Variants in TMEM151B observed in about 807,000 individuals in gnomAD.
TMEM151B encodes transmembrane protein 193.
Under a neutral mutation model 33.0 loss-of-function variants are expected in TMEM151B, and 18 were observed. The ratio of observed to expected loss-of-function variants is 0.55; its 90% CI spans 0.38 to 0.81. TMEM151B has a LOEUF of 0.81. TMEM151B is among the 30% of genes least tolerant of loss of function. TMEM151B has a pLI of 0.00. For synonymous variants in TMEM151B, 354 were observed against 373.6 expected (o/e 0.95, Z 0.61); for missense variants, 672 against 843.4 (o/e 0.80, Z 2.52).
rs956182709 is a variant in TMEM151B at position 44,278,786 on chromosome 6, G to GA, written c.*2263dup. On this transcript the variant is annotated 3_prime_UTR_variant, in exon 3 of 3. Coordinates refer to ENST00000451188, the MANE Select transcript of TMEM151B (RefSeq NM_001137560.2). ...TGATTGCCAGGGAAAATGAAAACCA[G>GA]AAAATTAATTAATCTCTAAAATTAA... 1.4e-4 allele frequency: 22 copies of GA among 152,198 alleles called. No homozygotes were observed. Among genetic ancestry groups the GA allele is most frequent in the African/African-American group, 5.3e-4 (22 of 41,526 alleles). The allele number at this position is 152,198 out of a possible 1,614,324, so 9.4% of individuals were successfully genotyped here. A position where few individuals can be genotyped will look rare whatever the true frequency, so the allele number is the denominator to read the frequency against.
chr6:44,276,594 G>A lies in TMEM151B; in HGVS notation c.*67G>A. ...CCTCGCCGGACTGTGCTCCCTCTGC[G>A]ACGCAGGGCGAGTCACCACGGTGAC... is the stretch of plus-strand genomic sequence containing the variant. On this transcript the variant is annotated 3_prime_UTR_variant, in exon 3 of 3. Coordinates refer to ENST00000451188, the MANE Select transcript of TMEM151B (RefSeq NM_001137560.2). The A allele has an allele frequency of 2.3e-6, 3 of 1,304,250 alleles. No homozygotes were observed. The highest frequency in any genetic ancestry group is 2.9e-6 in the Non-Finnish European group (3 of 1,026,096). The allele number at this position is 1,304,250 out of a possible 1,614,324, so 80.8% of individuals were successfully genotyped here.
At position 44,275,722 on chromosome 6, in the gene TMEM151B, C is replaced by T; in HGVS notation, c.896C>T (p.Ser299Leu). Residue 299 changes from serine (S) to leucine (L), a missense_variant, in exon 3 of 3, where the codon TCG becomes TTG. This residue lies in a region of TMEM151B where 285 missense variants were observed against 423.1 expected (regional missense o/e 0.67). Transcript: ENST00000451188. ...GCCCGGCCGCCCTGGTACGCCTGCTCGTCGGCCTTCTGGGCCGCGGCGCTG... is the reference window on the plus strand; with the variant it reads ...GCCCGGCCGCCCTGGTACGCCTGCTTGTCGGCCTTCTGGGCCGCGGCGCTG... ...DPARPPWYAC[S>L]SAFWAAALLT... 1 of 1,549,260 alleles carries T rather than the reference C, an allele frequency of 6.5e-7. No homozygotes were observed. The highest frequency in any genetic ancestry group is 8.7e-7 in the Non-Finnish European group (1 of 1,146,242).
At chr6:44,272,755 T>G (rs1782417049) in intron 1 of TMEM151B, among the ~76,000 whole-genome samples, 1 of 152,168 alleles carries the variant, frequency 6.6e-6, no homozygotes, top group Non-Finnish European at 1.5e-5. Context: ...CCATCTGTGT[T>G]TGCTGCCTGG....
At chr6:44,271,368 TG>T (rs1554142820) in intron 1 of TMEM151B, among the ~76,000 whole-genome samples, 10 of 57,474 alleles carry the variant, frequency 1.7e-4, no homozygotes, top group South Asian at 6.2e-4. Context: ...TGTGTGTGTG[TG>T]GGGGGGGGTG....
At chr6:44,273,752 AC>A (rs1463799450) in intron 2 of TMEM151B, among the ~76,000 whole-genome samples, 1 of 152,180 alleles carries the variant, frequency 6.6e-6, no homozygotes, top group East Asian at 1.9e-4. Flanking sequence ...CCTCATAACA[AC>A]CCTATGATGT....
intron 2 of TMEM151B, 133 bp downstream of exon 2, chr6:44,273,639 C>A: frequency 1.0e-6 from 1 of 988,566 alleles, no homozygotes; most frequent in Non-Finnish European, 1.5e-6. Flanking sequence ...ATGAGCATTG[C>A]AACAGCAGGG....
In TMEM151B at chr6:44,278,523, T is replaced by C. The variant is rs554772164; in HGVS notation, c.*1996T>C. ...CAGCTGGCACCTGGATGTCATGCTT[T>C]GTGTGGGGACAGCCTGGCCACCTCA... On this transcript the variant is annotated 3_prime_UTR_variant, in exon 3 of 3. Transcript: ENST00000451188. The C allele has an allele frequency of 6.6e-6, 1 of 152,382 alleles. No homozygotes were observed. The highest frequency in any genetic ancestry group is 2.1e-4 in the South Asian group (1 of 4,834). The allele number at this position is 152,382 out of a possible 1,614,324, so 9.4% of individuals were successfully genotyped here. A position where few individuals can be genotyped will look rare whatever the true frequency, so the allele number is the denominator to read the frequency against.
chr6:44,275,930 A>G lies in TMEM151B; in HGVS notation c.1104A>G (p.Val368=), dbSNP rs2153338350. The G allele has an allele frequency of 6.6e-7, 1 of 1,507,366 alleles. No individual in the cohort carries two copies. Among genetic ancestry groups the G allele is most frequent in the Non-Finnish European group, 8.9e-7 (1 of 1,124,326 alleles). 93.4% of individuals were successfully genotyped at this position (1,507,366 alleles called of 1,614,324 possible). ...LTHRLPRVNT[V]DSTELEWHIR... is the part of the protein sequence containing the mutation. ...ACCGCCTGCCGCGGGTCAACACAGT[A>G]GACAGCACGGAGCTCGAGTGGCACA... is the stretch of plus-strand genomic sequence containing the variant. Residue 368 remains valine, a synonymous_variant, in exon 3 of 3, where the codon GTA becomes GTG. Transcript: ENST00000451188.
chr6:44,275,362 C>G lies in TMEM151B; in HGVS notation c.577-41C>G, dbSNP rs1009592956. 8.9e-6 allele frequency: 13 copies of G among 1,460,258 alleles called. No homozygotes were observed. The Middle Eastern group carries it at 9.9e-4, about 111-fold the overall frequency. 90.5% of individuals were successfully genotyped at this position (1,460,258 alleles called of 1,614,324 possible). The stretch of plus-strand genomic sequence containing the variant: ...AGTGGGCAGAAGCGGGCACCAATGA[C>G]GGGCTCCCCGCGACCCCGCCGCCTG... On this transcript the variant is annotated intron_variant, in intron 2 of 2. Coordinates refer to ENST00000451188, the MANE Select transcript of TMEM151B (RefSeq NM_001137560.2).
In TMEM151B at chr6:44,275,877, A is replaced by T; in HGVS notation, c.1051A>T (p.Ser351Cys). The T allele has an allele frequency of 6.5e-7, 1 of 1,539,120 alleles. No individual in the cohort carries two copies. Among genetic ancestry groups the T allele is most frequent in the Non-Finnish European group, 8.7e-7 (1 of 1,143,938 alleles). ...CAGCGCAGGCGGTGGCCTCAGCCCC[A>T]GCGATGAGCTGCTGCCCCCGCTCAC... The part of the protein sequence containing the change: ...ASSAGGGLSP[S>C]DELLPPLTHR... Residue 351 changes from serine (S) to cysteine (C), a missense_variant, in exon 3 of 3, where the codon AGC (serine) becomes TGC (cysteine). Ser to Cys is a moderately radical substitution (Grantham distance 112). Coordinates refer to ENST00000451188, the MANE Select transcript of TMEM151B (RefSeq NM_001137560.2).
chr6:44,274,390 G>T (rs1782484213), intron 2 of TMEM151B, among the ~76,000 whole-genome samples: 1 of 152,146 alleles, frequency 6.6e-6, no homozygotes, highest in Non-Finnish European at 1.5e-5. Flanking sequence ...CAGCTTCCTG[G>T]ATGTCAAGTT....
At position 44,274,689 on chromosome 6, in the gene TMEM151B, AAAG is replaced by A. The variant is rs1047529273; in HGVS notation, c.577-706_577-704del. On this transcript the variant is annotated intron_variant, in intron 2 of 2. Transcript: ENST00000451188. ...GGGAAACACAATTGTAAAAGGGAAG[AAAG>A]AAGAAGAGGAGGCTGTTTGTGGTGA... 6.6e-5 allele frequency among the ~76,000 whole-genome samples: 10 copies of A among 152,324 alleles called. No homozygotes were observed. The East Asian group carries it at 1.3e-3, about 21-fold the overall frequency.
At chr6:44,270,957 T>G in intron 1 of TMEM151B, 80 bp downstream of exon 1, 1 of 956,022 alleles carries the variant, frequency 1.0e-6, no homozygotes, top group Non-Finnish European at 1.3e-6. Context: ...CCCCCGCTGG[T>G]TCCGCCGCAG....
At position 44,273,359 on chromosome 6, in the gene TMEM151B, T is replaced by C. The variant is rs762352311; in HGVS notation, c.429T>C (p.Arg143=). The C allele has an allele frequency of 2.4e-5, 37 of 1,551,470 alleles. No homozygotes were observed. Among genetic ancestry groups the C allele is most frequent in the Non-Finnish European group, 3.0e-5 (34 of 1,147,002 alleles). The part of the protein sequence containing the change: ...HCQARHELQH[R]VDVSSVRERV... The stretch of plus-strand genomic sequence containing the variant: ...AAGCCCGCCATGAGCTGCAGCACCG[T>C]GTTGATGTGAGCAGTGTGCGGGAAC... Residue 143 remains arginine (R), a synonymous_variant, in exon 2 of 3, where the codon CGT becomes CGC. Transcript: ENST00000451188.
chr6:44,276,782 C>G lies in TMEM151B; in HGVS notation c.*255C>G. On this transcript the variant is annotated 3_prime_UTR_variant, in exon 3 of 3. Transcript: ENST00000451188. ...CAGAGTCATTCTTCCAGCCCCAACC[C>G]TGAGTTCCTAAAGGGACACCTCCCT... 2 of 647,450 alleles carry G rather than the reference C, an allele frequency of 3.1e-6. No homozygotes were observed. Among genetic ancestry groups the G allele is most frequent in the Non-Finnish European group, 4.3e-6 (2 of 461,314 alleles). The allele number at this position is 647,450 out of a possible 1,614,324, so 40.1% of individuals were successfully genotyped here.
In TMEM151B at chr6:44,273,055, C is replaced by T; in HGVS notation, c.136-11C>T. On this transcript the variant is annotated splice_polypyrimidine_tract_variant and intron_variant, in intron 1 of 2. Transcript: ENST00000451188. Reference sequence around the variant, plus strand: ...ACTCATCTTGGCCCCTCTCCCTGCCCACCTGAGCAGCAGCGTCCCATCCAG... The same window carrying T: ...ACTCATCTTGGCCCCTCTCCCTGCCTACCTGAGCAGCAGCGTCCCATCCAG... 6.8e-7 allele frequency: 1 copy of T among 1,480,420 alleles called. No homozygotes were observed. Among genetic ancestry groups the T allele is most frequent in the Non-Finnish European group, 9.0e-7 (1 of 1,109,664 alleles). 91.7% of individuals were successfully genotyped at this position (1,480,420 alleles called of 1,614,324 possible).
chr6:44,275,882 T>A lies in TMEM151B; in HGVS notation c.1056T>A (p.Asp352Glu). ...CAGGCGGTGGCCTCAGCCCCAGCGA[T>A]GAGCTGCTGCCCCCGCTCACCCACC... ...SSAGGGLSPS[D>E]ELLPPLTHRL... Residue 352 changes from aspartate (D) to glutamate (E), a missense_variant, in exon 3 of 3, where the codon GAT becomes GAA. Transcript: ENST00000451188. 1.3e-6 allele frequency: 2 copies of A among 1,538,124 alleles called. No individual in the cohort carries two copies. The highest frequency in any genetic ancestry group is 1.7e-6 in the Non-Finnish European group (2 of 1,143,378).
Position 44,276,116 on chromosome 6 carries a change from G to A in TMEM151B, c.1290G>A (p.Arg430=). ...GPGAAGVAPY[R]RSCEHCQRAV... is the part of the protein sequence containing the mutation. ...GCGCGGCGGGCGTGGCTCCCTACCG[G>A]CGCAGCTGCGAGCACTGCCAGCGCG... Residue 430 remains arginine (R), a synonymous_variant, in exon 3 of 3, where the codon CGG becomes CGA. Transcript: ENST00000451188. 1 of 1,322,854 alleles carries A rather than the reference G, an allele frequency of 7.6e-7. No homozygotes were observed. Among genetic ancestry groups the A allele is most frequent in the Non-Finnish European group, 9.6e-7 (1 of 1,045,254 alleles). The allele number at this position is 1,322,854 out of a possible 1,614,324, so 81.9% of individuals were successfully genotyped here.
chr6:44,276,813 C>G lies in TMEM151B; in HGVS notation c.*286C>G. On this transcript the variant is annotated 3_prime_UTR_variant, in exon 3 of 3. Coordinates refer to ENST00000451188, the MANE Select transcript of TMEM151B (RefSeq NM_001137560.2). ...TCCTAAAGGGACACCTCCCTCCTGT[C>G]CAGCCCTTCAACAGATCTTCTGTTA... The G allele has an allele frequency of 2.4e-6, 1 of 414,278 alleles. No homozygotes were observed. The highest frequency in any genetic ancestry group is 3.9e-6 in the Non-Finnish European group (1 of 258,864). The allele number at this position is 414,278 out of a possible 1,614,324, so 25.7% of individuals were successfully genotyped here.
Sources: allele counts gnomAD v4.1 joint callset (sites outside exome capture counted in the v4.1 genomes callset), GRCh38; gene constraint gnomAD v4.1.1; regional missense constraint gnomAD v4.1.1; transcripts MANE v1.5; gene names NCBI Gene and HGNC (gene_info 2026-07-23, HGNC 2026-07-21).